Variants in DLEC1 observed in about 807,000 individuals in gnomAD.
The protein encoded by DLEC1 is deleted in lung and esophageal cancer protein 1.
Under a neutral mutation model 198.1 loss-of-function variants are expected in DLEC1, and 146 were observed. The observed-to-expected ratio is 0.74, with a 90% CI of 0.64 to 0.85. The LOEUF is 0.85. DLEC1 is among the 40% of genes least tolerant of loss of function. DLEC1 has a pLI of 0.00. For synonymous variants in DLEC1, 897 were observed against 866.8 expected, an observed-to-expected ratio of 1.03 and a Z score of -0.61; for missense variants, 2,233 against 2,220.0, an observed-to-expected ratio of 1.01 and a Z score of -0.12.
At chr3:38,061,423 C>T (rs774324733) in intron 3 of DLEC1, among the ~76,000 whole-genome samples, 14 of 152,048 alleles carry the variant, frequency 9.2e-5, no homozygotes, top group Non-Finnish European at 1.6e-4. Context: ...TCAAGTGATC[C>T]GCCGGCCTCA....
At chr3:38,070,884 G>A (rs1321451058) in intron 6 of DLEC1, among the ~76,000 whole-genome samples, 1 of 152,192 alleles carries the variant, frequency 6.6e-6, no homozygotes, top group Non-Finnish European at 1.5e-5. Context: ...GGGCATATAG[G>A]TGCAAGTCAC....
intron 2 of DLEC1, among the ~76,000 whole-genome samples, chr3:38,057,302 C>A (rs1231286237): frequency 6.6e-6 from 1 of 152,182 alleles, no homozygotes; most frequent in African/African-American, 2.4e-5. Flanking sequence ...ACCAGCCTGG[C>A]CAACATGGTG....
intron 2 of DLEC1, among the ~76,000 whole-genome samples, chr3:38,057,788 T>C (rs1696453532): frequency 1.3e-5 from 2 of 151,394 alleles, no homozygotes; most frequent in African/African-American, 4.9e-5. Flanking sequence ...CAATGACTTA[T>C]GGGTACTTGG....
At chr3:38,098,005 T>C in intron 18 of DLEC1, 103 bp downstream of exon 18, 1 of 1,460,640 alleles carries the variant, frequency 6.8e-7, no homozygotes, top group Non-Finnish European at 9.3e-7. Context: ...GCTTCGAGGC[T>C]GGTGGAGGAA....
intron 1 of DLEC1, 131 bp downstream of exon 1, chr3:38,039,767 G>T: frequency 8.0e-7 from 1 of 1,247,264 alleles, no homozygotes; most frequent in East Asian, 2.6e-5. Flanking sequence ...CCATCATGCC[G>T]AAGTGGGCCC....
Position 38,116,439 on chromosome 3 carries a change from C to T in DLEC1, c.3857-14C>T. On this transcript the variant is annotated splice_polypyrimidine_tract_variant and intron_variant, in intron 27 of 36. Transcript: ENST00000308059. ...CTCCCTTATTCCTCACCCTGCTCCACACATCTGCCCCAGACATCCGCCTGG... is the reference window on the plus strand; with the variant it reads ...CTCCCTTATTCCTCACCCTGCTCCATACATCTGCCCCAGACATCCGCCTGG... 6.2e-7 allele frequency: 1 copy of T among 1,613,960 alleles called. No individual in the cohort carries two copies. Among genetic ancestry groups the T allele is most frequent in the South Asian group, 1.1e-5 (1 of 91,082 alleles).
At chr3:38,106,620 G>A (rs1224839404) in intron 19 of DLEC1, among the ~76,000 whole-genome samples, 1 of 152,018 alleles carries the variant, frequency 6.6e-6, no homozygotes, top group Non-Finnish European at 1.5e-5. Flanking sequence ...GCCTGGCATG[G>A]TGGCACATGC....
chr3:38,107,420 G>T (rs1699622197), intron 19 of DLEC1, among the ~76,000 whole-genome samples, 164 bp from the exon 20 acceptor site: 1 of 152,102 alleles, frequency 6.6e-6, no homozygotes, highest in Non-Finnish European at 1.5e-5. Flanking sequence ...TTTGTATATT[G>T]ATCTTATATC....
At chr3:38,040,703 T>C (rs1700612827) in intron 1 of DLEC1, among the ~76,000 whole-genome samples, 1 of 152,200 alleles carries the variant, frequency 6.6e-6, no homozygotes, top group Non-Finnish European at 1.5e-5. Flanking sequence ...TGGAGCATTA[T>C]AAACCTATAA....
At chr3:38,114,526 G>A (rs1410381610) in intron 26 of DLEC1, 66 bp downstream of exon 26, 2 of 1,525,934 alleles carry the variant, frequency 1.3e-6, no homozygotes, top group Non-Finnish European at 1.8e-6. Flanking sequence ...CCTCCGGGCT[G>A]GGCTGCCCAC....
chr3:38,108,790 C>T lies in DLEC1; in HGVS notation c.3129+275C>T, dbSNP rs146304814. On this transcript the variant is annotated intron_variant, in intron 21 of 36. Coordinates refer to ENST00000308059, the MANE Select transcript of DLEC1 (RefSeq NM_007335.4). ...GAGTTTTTGCCCTCCCCAGGCCATTCTCTGTGGCCGCAGGTGGGCCCAGCT... is the reference window on the plus strand; with the variant it reads ...GAGTTTTTGCCCTCCCCAGGCCATTTTCTGTGGCCGCAGGTGGGCCCAGCT... Among the ~76,000 whole-genome samples the T allele has an allele frequency of 1.3e-3, 204 of 152,350 alleles. 1 individual carries two copies. The East Asian group carries it at 0.036, about 27-fold the overall frequency.
Position 38,039,364 on chromosome 3 carries a change from T to A in DLEC1, c.139T>A (p.Ser47Thr), listed in dbSNP as rs936587740. Residue 47 changes from serine to threonine, a missense_variant, in exon 1 of 37, where the codon TCC (serine) becomes ACC (threonine). Coordinates refer to ENST00000308059, the MANE Select transcript of DLEC1 (RefSeq NM_007335.4). Reference protein sequence around the residue: ...SQPTWKSSLYSSLAYSEAFHY... With the variant: ...SQPTWKSSLYTSLAYSEAFHY... ...GCCCACCTGGAAGTCCTCCTTGTAT[T>A]CCTCCCTCGCCTACTCTGAGGCCTT... The A allele has an allele frequency of 1.5e-5, 25 of 1,614,056 alleles. No individual in the cohort carries two copies. Among genetic ancestry groups the A allele is most frequent in the Non-Finnish European group, 1.9e-5 (22 of 1,180,038 alleles).
Position 38,123,079 on chromosome 3 carries a change from C to A in DLEC1, c.*667C>A. ...CCAGGGTATTCAAAGACGGCAGCGG[C>A]TCCCATTCCAGTCCCGATGCACATG... On this transcript the variant is annotated 3_prime_UTR_variant, in exon 37 of 37. Coordinates refer to ENST00000308059, the MANE Select transcript of DLEC1 (RefSeq NM_007335.4). 6.2e-7 allele frequency: 1 copy of A among 1,614,184 alleles called. No homozygotes were observed.
At chr3:38,061,775 C>T (rs2125611651) in intron 3 of DLEC1, among the ~76,000 whole-genome samples, 1 of 152,286 alleles carries the variant, frequency 6.6e-6, no homozygotes, top group Middle Eastern at 3.4e-3. Flanking sequence ...TGAAGTAATT[C>T]TCCCCACTCA....
intron 19 of DLEC1, among the ~76,000 whole-genome samples, chr3:38,105,975 A>G (rs1009456306): frequency 6.6e-6 from 1 of 152,110 alleles, no homozygotes; most frequent in Non-Finnish European, 1.5e-5. Context: ...CCAGGGCTTT[A>G]TAGTATATCT....
chr3:38,107,391 T>C (rs901866597), intron 19 of DLEC1, among the ~76,000 whole-genome samples, 193 bp from the exon 20 acceptor site: 3 of 152,248 alleles, frequency 2.0e-5, no homozygotes, highest in Non-Finnish European at 2.9e-5. Context: ...GTTGTTAGTA[T>C]ATAAAAATGT....
Position 38,064,047 on chromosome 3 carries a change from G to A in DLEC1, c.1173+128G>A, listed in dbSNP as rs1575407765. On this transcript the variant is annotated intron_variant, in intron 6 of 36. Transcript: ENST00000308059. ...TTTAGTATTTATTGATCATTCTTGG[G>A]TGTTTCTCGGAGAGGGGGATTTGGC... 6.4e-6 allele frequency: 4 copies of A among 625,974 alleles called. No individual in the cohort carries two copies. The East Asian group carries it at 9.3e-5, about 14-fold the overall frequency. 38.8% of individuals were successfully genotyped at this position (625,974 alleles called of 1,614,324 possible).
At chr3:38,072,487 C>G (rs1254028446) in intron 6 of DLEC1, among the ~76,000 whole-genome samples, 1 of 152,166 alleles carries the variant, frequency 6.6e-6, no homozygotes, top group Non-Finnish European at 1.5e-5. Context: ...CAGCCCTGCA[C>G]TTCGGCTGTG....
chr3:38,092,800 C>T lies in DLEC1; in HGVS notation c.1676C>T (p.Ser559Phe), dbSNP rs778231212. 5.0e-6 allele frequency: 8 copies of T among 1,614,088 alleles called. No homozygotes were observed. The highest frequency in any genetic ancestry group is 6.8e-6 in the Non-Finnish European group (8 of 1,180,004). Residue 559 changes from serine to phenylalanine, a missense_variant, in exon 11 of 37, where the codon TCC becomes TTC. Transcript: ENST00000308059. ...CCTTCTCTCCCCCAGGTCTTGTTTT[C>T]CCCAAAGAGCCTAGGAAAGGCAGAG... ...GHAILVEVLF[S>F]PKSLGKAEQT...
Sources: gnomAD v4.1 joint callset for allele counts (sites outside exome capture counted in the v4.1 genomes callset) on GRCh38, gnomAD v4.1.1 for gene constraint, MANE v1.5 for transcripts, NCBI Gene and HGNC (gene_info 2026-07-23, HGNC 2026-07-21) for gene names.